Variants in SS18L1 observed in about 807,000 individuals in gnomAD.
SS18L1 encodes the protein SS18L1 subunit of BAF chromatin remodeling complex.
A neutral mutation model predicts 70.3 loss-of-function variants in SS18L1; 32 were observed. The observed-to-expected ratio is 0.46, with a 90% CI of 0.34 to 0.61. The LOEUF (loss-of-function observed/expected upper bound fraction) is 0.61. Ranked by LOEUF, SS18L1 falls within the 20% of genes least tolerant of loss-of-function variation. The probability of loss-of-function intolerance (pLI) is 0.01; values close to 1 mark genes in which losing one functional copy is unlikely to be tolerated. For synonymous variants in SS18L1, 237 were observed against 229.7 expected (o/e 1.03, Z -0.29); for missense variants, 430 against 542.1 (o/e 0.79, Z 2.05).
intron 8 of SS18L1, 136 bp downstream of exon 8, chr20:62,165,650 G>A: frequency 1.2e-6 from 1 of 828,348 alleles, no homozygotes; most frequent in Non-Finnish European, 1.9e-6. Flanking sequence ...TGGGAGGAGA[G>A]ACAGTGTGTT....
In SS18L1 at chr20:62,161,452, T is replaced by A. The variant is rs1259406590; in HGVS notation, c.248T>A (p.Met83Lys). The stretch of plus-strand genomic sequence containing the variant: ...TGCCTGCAGCCGCCCACGCAGAACA[T>A]GAACCTGGGCCCTGGAGCCCTGACT... ...SLLPAPPTQN[M>K]NLGPGALTQS... The change falls in exon 4 of 11, where the codon ATG becomes AAG. Residue 83 changes from methionine to lysine, a missense_variant. By Grantham distance (95) the Met-to-Lys change is moderately conservative. Transcript: ENST00000331758. This position sits in a 1 kb window ranked among gnomAD's most constrained non-coding sequence, Gnocchi z 4.4. The A allele has an allele frequency of 2.5e-6, 4 of 1,612,820 alleles. No individual in the cohort carries two copies. Among genetic ancestry groups the A allele is most frequent in the Non-Finnish European group, 3.4e-6 (4 of 1,179,990 alleles).
chr20:62,174,881 CT>C lies in SS18L1; in HGVS notation c.1164+238del. The C allele has an allele frequency of 7.1e-7, 1 of 1,414,146 alleles. No homozygotes were observed. Among genetic ancestry groups the C allele is most frequent in the South Asian group, 1.4e-5 (1 of 69,436 alleles). 87.6% of individuals were successfully genotyped at this position (1,414,146 alleles called of 1,614,324 possible). ...TAAGCTCACCGTTAGATCTGCACGCCTGGTTCTCACATTCATTCACTCTGCC... is the reference window on the plus strand; with the variant it reads ...TAAGCTCACCGTTAGATCTGCACGCCGGTTCTCACATTCATTCACTCTGCC... On this transcript the variant is annotated intron_variant, in intron 10 of 10. Transcript: ENST00000331758. This position sits in a 1 kb window ranked among gnomAD's most constrained non-coding sequence, Gnocchi z 4.1.
rs1276320722 is a variant in SS18L1, at chr20:62,161,622, C to T, written c.376+42C>T. ...AGGAGGACGTTCCTGGCTACGAGGC[C>T]ACCAAGGCAGCCCTTGGGCAGCCGG... On this transcript the variant is annotated intron_variant, in intron 4 of 10. Coordinates refer to ENST00000331758, the MANE Select transcript of SS18L1 (RefSeq NM_198935.3). This position sits in a 1 kb window ranked among gnomAD's most constrained non-coding sequence, Gnocchi z 4.4. 6.3e-7 allele frequency: 1 copy of T among 1,583,568 alleles called. No homozygotes were observed. The highest frequency in any genetic ancestry group is 8.6e-7 in the Non-Finnish European group (1 of 1,159,068).
At chr20:62,149,368 G>A (rs2057087929) in intron 1 of SS18L1, among the ~76,000 whole-genome samples, 1 of 152,252 alleles carries the variant, frequency 6.6e-6, no homozygotes, top group South Asian at 2.1e-4. Context: ...CATGGATGAT[G>A]GTAGGAAGGG....
At position 62,161,285 on chromosome 20, in the gene SS18L1, C is replaced by A; in HGVS notation, c.232-151C>A. 2 of 1,077,712 alleles carry A rather than the reference C, an allele frequency of 1.9e-6. No individual in the cohort carries two copies. The highest frequency in any genetic ancestry group is 2.8e-6 in the Non-Finnish European group (2 of 724,760). The allele number at this position is 1,077,712 out of a possible 1,614,324, so 66.8% of individuals were successfully genotyped here. On this transcript the variant is annotated intron_variant, in intron 3 of 10. Coordinates refer to ENST00000331758, the MANE Select transcript of SS18L1 (RefSeq NM_198935.3). The surrounding 1 kb of genome is among the most constrained non-coding windows in gnomAD (Gnocchi z 4.4). ...GGCCTGGTGCTCTGCGGTCACCTGG[C>A]TGTGACGATGGCTGCTGATTACGAA...
Position 62,180,996 on chromosome 20 carries a change from T to A in SS18L1, c.*1788T>A. ...AAGTCACTTATGTGTTTTGCTTGAA[T>A]TAATTCTGACAGCCCCTATGAGGAA... On this transcript the variant is annotated 3_prime_UTR_variant, in exon 11 of 11. Coordinates refer to ENST00000331758, the MANE Select transcript of SS18L1 (RefSeq NM_198935.3). 1 of 183,576 alleles carries A rather than the reference T, an allele frequency of 5.4e-6. No homozygotes were observed. The highest frequency in any genetic ancestry group is 8.8e-5 in the East Asian group (1 of 11,324). 11.4% of individuals were successfully genotyped at this position (183,576 alleles called of 1,614,324 possible).
rs767030179 is a variant in SS18L1, at chr20:62,143,867, T to G, written c.47T>G (p.Val16Gly). 7.7e-7 allele frequency: 1 copy of G among 1,292,906 alleles called. No individual in the cohort carries two copies. The highest frequency in any genetic ancestry group is 1.0e-6 in the Non-Finnish European group (1 of 988,574). The allele number at this position is 1,292,906 out of a possible 1,614,324, so 80.1% of individuals were successfully genotyped here. The change falls in exon 1 of 11, where the codon GTT becomes GGT. Residue 16 changes from valine (V) to glycine (G), a missense_variant. Val to Gly is a moderately radical substitution (Grantham distance 109). Transcript: ENST00000331758. ...ASARPRGKGEVTQQTIQKMLD... is the reference protein window; with the variant it reads ...ASARPRGKGEGTQQTIQKMLD... ...GCCCGGCCAAGAGGCAAAGGGGAGG[T>G]TACGCAGCAAACCATCCAGAAGGTG... is the stretch of plus-strand genomic sequence containing the variant.
rs1272173648 is a variant in SS18L1 at position 62,163,582 on chromosome 20, G to A, written c.681G>A (p.Met227Ile). 4 of 1,607,608 alleles carry A rather than the reference G, an allele frequency of 2.5e-6. No individual in the cohort carries two copies. Among genetic ancestry groups the A allele is most frequent in the Non-Finnish European group, 3.4e-6 (4 of 1,178,856 alleles). ...AGGGCAGCCAGGGGAGCAGCATGAT[G>A]GGGCAGCGGCCCATGGCGCCCTACC... Reference protein sequence around the residue: ...MGQGSQGSSMMGQRPMAPYRP... With the variant: ...MGQGSQGSSMIGQRPMAPYRP... The change falls in exon 6 of 11, where the codon ATG (methionine) becomes ATA (isoleucine). Residue 227 changes from methionine to isoleucine, a missense_variant. Met to Ile is a conservative substitution (Grantham distance 10). Transcript: ENST00000331758.
intron 5 of SS18L1, 47 bp from the exon 6 acceptor site, chr20:62,163,411 G>A (rs767104346): frequency 2.2e-5 from 35 of 1,608,238 alleles, no homozygotes; most frequent in Non-Finnish European, 2.5e-5. Flanking sequence ...GGGAGGGAGG[G>A]CGGGAGGCTT....
intron 1 of SS18L1, among the ~76,000 whole-genome samples, chr20:62,156,645 C>T (rs2057228907): frequency 6.6e-6 from 1 of 152,238 alleles, no homozygotes; most frequent in South Asian, 2.1e-4. Context: ...TGTGAGCTGG[C>T]CTGGCTTGGC....
intron 8 of SS18L1, among the ~76,000 whole-genome samples, chr20:62,168,740 G>A (rs900997394): frequency 4.6e-5 from 7 of 152,196 alleles, no homozygotes; most frequent in African/African-American, 1.7e-4. Context: ...CTTGAGCCCG[G>A]GAGGTCGAAG....
intron 5 of SS18L1, among the ~76,000 whole-genome samples, 188 bp from the exon 6 acceptor site, chr20:62,163,270 G>A (rs1404572253): frequency 6.6e-6 from 1 of 152,160 alleles, no homozygotes; most frequent in Non-Finnish European, 1.5e-5. Context: ...TGCAAGCAGC[G>A]GGTCTGAGCT....
chr20:62,146,352 A>G (rs898320379), intron 1 of SS18L1, among the ~76,000 whole-genome samples: 4 of 152,228 alleles, frequency 2.6e-5, no homozygotes, highest in African/African-American at 4.8e-5. Flanking sequence ...GTGCTGGATC[A>G]TCTGTGACGC....
In SS18L1 at chr20:62,165,436, G is replaced by T; in HGVS notation, c.838G>T (p.Ala280Ser). The T allele has an allele frequency of 1.2e-6, 2 of 1,612,464 alleles. No individual in the cohort carries two copies. Among genetic ancestry groups the T allele is most frequent in the Non-Finnish European group, 1.7e-6 (2 of 1,179,656 alleles). ...GTTTCGCACAGGCCATGGCGATTAC[G>T]CCTACCAGCAGTCATCCTACACGGA... The part of the protein sequence containing the change: ...QYYPDGHGDY[A>S]YQQSSYTEQS... The change falls in exon 8 of 11, where the codon GCC becomes TCC. Residue 280 changes from alanine (A) to serine (S), a missense_variant. By Grantham distance (99) the Ala-to-Ser change is moderately conservative. Transcript: ENST00000331758.
chr20:62,164,391 A>AGAC, intron 7 of SS18L1, 145 bp downstream of exon 7: 1 of 875,274 alleles, frequency 1.1e-6, no homozygotes, highest in Non-Finnish European at 1.7e-6. Flanking sequence ...CAGAGTGGCC[A>AGAC]GACGCCCTGC....
At chr20:62,166,399 A>G (rs933586161) in intron 8 of SS18L1, among the ~76,000 whole-genome samples, 1 of 152,238 alleles carries the variant, frequency 6.6e-6, no homozygotes, top group African/African-American at 2.4e-5. Flanking sequence ...GGCAGGCACT[A>G]AACGGCTACA....
intron 8 of SS18L1, among the ~76,000 whole-genome samples, chr20:62,166,482 G>A (rs2057433497): frequency 2.0e-5 from 3 of 152,216 alleles, no homozygotes; most frequent in Admixed American, 2.0e-4. Context: ...ACACATCTCA[G>A]CCTGCTGTGA....
At chr20:62,168,501 G>T (rs996519276) in intron 8 of SS18L1, among the ~76,000 whole-genome samples, 2 of 152,076 alleles carry the variant, frequency 1.3e-5, no homozygotes, top group Non-Finnish European at 2.9e-5. Flanking sequence ...AACTTTCCAG[G>T]CCGGGTGCAG....
chr20:62,169,142 G>A lies in SS18L1; in HGVS notation c.917-3540G>A, dbSNP rs1446344309. On this transcript the variant is annotated intron_variant, in intron 8 of 10. Transcript: ENST00000331758. ...TGCAGTGACGCATACTGGACAGAGC[G>A]CAGCCCCTCGTGACCTGGCATCTGG... Among the ~76,000 whole-genome samples, 3 of 152,214 alleles carry A rather than the reference G, an allele frequency of 2.0e-5. No homozygotes were observed. The East Asian group carries it at 5.8e-4, about 29-fold the overall frequency.
Sources: allele counts gnomAD v4.1 joint callset (sites outside exome capture counted in the v4.1 genomes callset), GRCh38; gene constraint gnomAD v4.1.1; non-coding constraint Gnocchi (gnomAD v3.1); transcripts MANE v1.5; gene names NCBI Gene and HGNC (gene_info 2026-07-23, HGNC 2026-07-21).